Variants in RBFOX1 observed in about 807,000 individuals in gnomAD.
The protein encoded by RBFOX1 is RNA binding fox-1 homolog 1.
Under a neutral mutation model 57.7 loss-of-function variants are expected in RBFOX1, and 8 were observed. The observed-to-expected ratio is 0.14, with a 90% confidence interval of 0.08 to 0.25. The LOEUF is 0.25. Ranked by LOEUF, RBFOX1 falls within the 10% of genes least tolerant of loss-of-function variation. The pLI, the probability that RBFOX1 is intolerant of heterozygous loss-of-function variation, is 1.00. For missense variants in RBFOX1, 611 were observed against 548.5 expected (o/e 1.11, Z -1.14); for synonymous variants, 326 against 222.4 (o/e 1.47, Z -4.15).
chr16:6,051,896 C>G (rs1400262061), intron 1 of RBFOX1, among the ~76,000 whole-genome samples: 3 of 152,098 alleles, frequency 2.0e-5, no homozygotes, highest in Non-Finnish European at 4.4e-5. Context: ...TTTCTTCCTT[C>G]CAGTCCATCC....
chr16:5,800,945 C>T (rs536680680), intron 3 of RBFOX1, among the ~76,000 whole-genome samples: 1 of 152,206 alleles, frequency 6.6e-6, no homozygotes, highest in East Asian at 1.9e-4. Flanking sequence ...CTTCTTGTCC[C>T]TGATACAGAC....
At chr16:6,757,486 G>T (rs1301860498) in intron 3 of RBFOX1, among the ~76,000 whole-genome samples, 1 of 152,176 alleles carries the variant, frequency 6.6e-6, no homozygotes, top group Non-Finnish European at 1.5e-5. Flanking sequence ...AATGCTGTTT[G>T]TTACAGCAAC....
chr16:5,424,648 C>A (rs556629733), intron 1 of RBFOX1, among the ~76,000 whole-genome samples: 226 of 152,100 alleles, frequency 1.5e-3, no homozygotes, highest in African/African-American at 5.3e-3. Context: ...AACAAACCTG[C>A]ACATCCTGCA....
intron 3 of RBFOX1, among the ~76,000 whole-genome samples, chr16:5,629,833 C>G (rs12444386): frequency 0.52 from 78,506 of 152,070 alleles, 23,180 homozygotes; most frequent in Non-Finnish European, 0.68. Context: ...TCCATTAGCA[C>G]TGGAGTGAAA....
chr16:5,318,971 C>G (rs1168728669), intron 1 of RBFOX1, among the ~76,000 whole-genome samples: 3 of 151,922 alleles, frequency 2.0e-5, no homozygotes, highest in East Asian at 1.9e-4. Context: ...ACTAAAAATA[C>G]AAAAAATTAG....
intron 2 of RBFOX1, among the ~76,000 whole-genome samples, chr16:6,494,616 C>G (rs1323697280): frequency 1.3e-5 from 2 of 152,192 alleles, no homozygotes; most frequent in East Asian, 3.9e-4. Context: ...CTTTGACCAT[C>G]ACACATAAAG....
intron 4 of RBFOX1, among the ~76,000 whole-genome samples, chr16:7,317,803 A>G (rs2096471812): frequency 6.6e-6 from 1 of 152,214 alleles, no homozygotes; most frequent in Non-Finnish European, 1.5e-5. Context: ...ACTTCTCTGC[A>G]GTTTCATTTC....
chr16:7,003,995 T>G (rs1195284938), intron 3 of RBFOX1: 3 of 151,842 alleles, frequency 2.0e-5, no homozygotes, highest in Non-Finnish European at 2.9e-5. Flanking sequence ...GGGGTTTTTT[T>G]TTTTTTTTTT....
chr16:5,641,368 A>G (rs2048869382), intron 3 of RBFOX1, among the ~76,000 whole-genome samples: 1 of 152,248 alleles, frequency 6.6e-6, no homozygotes, highest in Non-Finnish European at 1.5e-5. Flanking sequence ...AATAAACTAC[A>G]TACACAAGTA....
At chr16:5,686,869 C>G (rs1187959930) in intron 3 of RBFOX1, among the ~76,000 whole-genome samples, 2 of 152,142 alleles carry the variant, frequency 1.3e-5, no homozygotes, top group Non-Finnish European at 2.9e-5. Context: ...CTGAGAATAA[C>G]TACTGTTGAA....
chr16:6,340,581 G>A (rs748292276), intron 2 of RBFOX1, among the ~76,000 whole-genome samples: 9 of 152,282 alleles, frequency 5.9e-5, no homozygotes, highest in East Asian at 3.9e-4. Context: ...ACTTCCTGAC[G>A]TTGCCTTGTA....
chr16:7,180,359 C>T (rs547402299), intron 4 of RBFOX1, among the ~76,000 whole-genome samples: 20 of 152,268 alleles, frequency 1.3e-4, no homozygotes, highest in Non-Finnish European at 2.8e-4. Context: ...ACAGATACCA[C>T]ACACAAGAAA....
chr16:5,345,672 C>CAGAAGCCATCTCTTTCCGATGCATGGG, intron 1 of RBFOX1, among the ~76,000 whole-genome samples: 1 of 152,182 alleles, frequency 6.6e-6, no homozygotes, highest in Non-Finnish European at 1.5e-5. Context: ...ACTTGCTGAG[C>CAGAAGCCATCTCTTTCCGATGCATGGG]AGAAGCCATC....
chr16:6,452,407 T>G (rs1428498989), intron 2 of RBFOX1, among the ~76,000 whole-genome samples: 1 of 148,456 alleles, frequency 6.7e-6, no homozygotes, highest in African/African-American at 2.5e-5. Context: ...CATAACTCTC[T>G]TCCTTCCACG....
chr16:7,397,288 T>G lies in RBFOX1; in HGVS notation c.28-120859T>G, dbSNP rs376052382. ...GTTTAAATCTGGGGTGTATTTAAAATGTAATTGAAATCACAAGATATTTAA... is the reference window on the plus strand; with the variant it reads ...GTTTAAATCTGGGGTGTATTTAAAAGGTAATTGAAATCACAAGATATTTAA... On this transcript the variant is annotated intron_variant, in intron 4 of 15. Transcript: ENST00000550418. 9.8e-5 allele frequency among the ~76,000 whole-genome samples: 15 copies of G among 152,336 alleles called. No individual in the cohort carries two copies. In the East Asian group the frequency reaches 2.7e-3, roughly 27 times the overall value.
chr16:5,934,566 A>G (rs1413940101), intron 4 of RBFOX1, among the ~76,000 whole-genome samples: 1 of 152,196 alleles, frequency 6.6e-6, no homozygotes, highest in Non-Finnish European at 1.5e-5. Context: ...GTATGGACAG[A>G]TCCCGCCAAG....
chr16:6,742,540 T>C (rs943515051), intron 3 of RBFOX1, among the ~76,000 whole-genome samples: 13 of 152,308 alleles, frequency 8.5e-5, no homozygotes, highest in African/African-American at 3.1e-4. Flanking sequence ...TACACAATTA[T>C]TGTCAGCAGT....
intron 2 of RBFOX1, among the ~76,000 whole-genome samples, chr16:5,569,309 C>CCA (rs2046186350): frequency 6.6e-6 from 1 of 152,062 alleles, no homozygotes; most frequent in African/African-American, 2.4e-5. Context: ...AAATTTGAAG[C>CCA]TTGGTTCTGA....
chr16:7,089,913 C>CAA lies in RBFOX1; in HGVS notation c.27+37824_27+37825dup, dbSNP rs5815364. On this transcript the variant is annotated intron_variant, in intron 4 of 15. Coordinates refer to ENST00000550418, the MANE Select transcript of RBFOX1 (RefSeq NM_018723.4). ...TTAATTCAGATTTTTTTTCTGCATT[C>CAA]AAAAAAAAAATGGCAGAGACTTTAA... Among the ~76,000 whole-genome samples, 569 of 149,980 alleles carry CAA rather than the reference C, an allele frequency of 3.8e-3. 5 individuals carry two copies. The highest frequency in any genetic ancestry group is 0.034 in the East Asian group (174 of 5,110).
Sources: gnomAD v4.1 joint callset for allele counts (sites outside exome capture counted in the v4.1 genomes callset) on GRCh38, gnomAD v4.1.1 for gene constraint, MANE v1.5 for transcripts, NCBI Gene and HGNC (gene_info 2026-07-23, HGNC 2026-07-21) for gene names.